Variants in GPC6 observed in about 807,000 individuals in gnomAD.
GPC6 encodes the protein glypican 6.
A neutral mutation model predicts 55.2 loss-of-function variants in GPC6; 14 were observed. That is an observed-to-expected ratio of 0.25 (90% CI 0.17 to 0.40). GPC6 has a LOEUF of 0.40. Among genes scored for constraint, GPC6 ranks in the 10% least tolerant of loss-of-function variants. The pLI, the probability that GPC6 is intolerant of heterozygous loss-of-function variation, is 1.00. For missense variants in GPC6, 641 were observed against 708.5 expected (o/e 0.90, Z 1.08); for synonymous variants, 278 against 259.6 (o/e 1.07, Z -0.68).
At chr13:94,359,795 G>T (rs1878971927) in intron 6 of GPC6, among the ~76,000 whole-genome samples, 1 of 151,984 alleles carries the variant, frequency 6.6e-6, no homozygotes, top group South Asian at 2.1e-4. Flanking sequence ...ATACTTATCT[G>T]CAATAAAAAG....
chr13:93,705,641 T>C (rs534118608), intron 2 of GPC6, among the ~76,000 whole-genome samples: 38 of 151,828 alleles, frequency 2.5e-4, no homozygotes, highest in African/African-American at 8.9e-4. Context: ...GTGTTTCAGA[T>C]AGTTAATGGA....
At chr13:94,131,870 G>A (rs1194722320) in intron 4 of GPC6, among the ~76,000 whole-genome samples, 1 of 152,030 alleles carries the variant, frequency 6.6e-6, no homozygotes, top group African/African-American at 2.4e-5. Flanking sequence ...TAATTTATGT[G>A]GTTAGCAAAA....
chr13:94,225,911 A>G (rs1259900021), intron 4 of GPC6, among the ~76,000 whole-genome samples: 1 of 152,138 alleles, frequency 6.6e-6, no homozygotes, highest in Non-Finnish European at 1.5e-5. Flanking sequence ...AAGTTCTTCT[A>G]CTACCCACTG....
intron 6 of GPC6, among the ~76,000 whole-genome samples, chr13:94,308,884 G>A (rs542278142): frequency 2.6e-5 from 4 of 152,180 alleles, no homozygotes; most frequent in Non-Finnish European, 5.9e-5. Context: ...TGAGGCCTTC[G>A]TCCTTTGGGG....
intron 4 of GPC6, among the ~76,000 whole-genome samples, chr13:94,271,888 C>T (rs1017224250): frequency 6.6e-6 from 1 of 152,172 alleles, no homozygotes; most frequent in South Asian, 2.1e-4. Context: ...AGTCATCTTG[C>T]CATTTCATGG....
rs998967586 is a variant in GPC6 at position 93,830,167 on chromosome 13, G to A, written c.333G>A (p.Glu111=). ...RHKKFDEFFR[E]LLENAEKSLN... is the part of the protein sequence containing the mutation. The stretch of plus-strand genomic sequence containing the variant: ...TTTTATCTGCAGAATTTTTCCGAGA[G>A]CTCCTGGAGAATGCAGAAAAGTCAC... Residue 111 remains glutamate, a synonymous_variant, in exon 3 of 9, where the codon GAG becomes GAA. Transcript: ENST00000377047. The A allele has an allele frequency of 3.1e-6, 5 of 1,607,138 alleles. No individual in the cohort carries two copies. The highest frequency in any genetic ancestry group is 4.3e-6 in the Non-Finnish European group (5 of 1,176,376).
At chr13:93,648,604 T>C (rs937137450) in intron 2 of GPC6, among the ~76,000 whole-genome samples, 3 of 152,212 alleles carry the variant, frequency 2.0e-5, no homozygotes, top group Non-Finnish European at 4.4e-5. Context: ...TTGCAGAGAC[T>C]GATAAAAATG....
chr13:93,943,470 A>C lies in GPC6; in HGVS notation c.712-84259A>C, dbSNP rs142675688. Among the ~76,000 whole-genome samples, 26 of 152,266 alleles carry C rather than the reference A, an allele frequency of 1.7e-4. 1 individual carries two copies. The East Asian group carries it at 5.0e-3, about 29-fold the overall frequency. ...AACTTTATTAAGTGGAATCGCTTGC[A>C]TCCCAATTCTGGAGTCCCTCATAGA... On this transcript the variant is annotated intron_variant, in intron 3 of 8. Coordinates refer to ENST00000377047, the MANE Select transcript of GPC6 (RefSeq NM_005708.5).
At chr13:93,393,400 G>A (rs1324258997) in intron 1 of GPC6, among the ~76,000 whole-genome samples, 3 of 151,826 alleles carry the variant, frequency 2.0e-5, no homozygotes, top group Admixed American at 6.6e-5. Flanking sequence ...CACCTCGGCC[G>A]CAGAAAGTGA....
In GPC6 at chr13:94,367,987, A is replaced by G. The variant is rs146411431; in HGVS notation, c.1153-14427A>G. On this transcript the variant is annotated intron_variant, in intron 6 of 8. Transcript: ENST00000377047. ...AACATGGTGAAACCCCATCTCTACT[A>G]AAAATACAAAAATTAGCTGGGCATG... Among the ~76,000 whole-genome samples the G allele has an allele frequency of 1.2e-3, 189 of 151,960 alleles. 4 individuals carry two copies. The East Asian group carries it at 0.033, about 27-fold the overall frequency.
At chr13:94,357,365 G>T (rs1403583933) in intron 6 of GPC6, among the ~76,000 whole-genome samples, 6 of 152,166 alleles carry the variant, frequency 3.9e-5, no homozygotes, top group Non-Finnish European at 8.8e-5. Flanking sequence ...GAGACAGAGA[G>T]ACCCCTGTGG....
intron 2 of GPC6, among the ~76,000 whole-genome samples, chr13:93,682,682 GA>G (rs544280688): frequency 2.0e-5 from 3 of 151,378 alleles, no homozygotes; most frequent in South Asian, 2.1e-4. Flanking sequence ...CATTTTCTTT[GA>G]AAAAAAATAT....
At chr13:93,838,057 C>A (rs1887808094) in intron 3 of GPC6, among the ~76,000 whole-genome samples, 1 of 152,186 alleles carries the variant, frequency 6.6e-6, no homozygotes, top group South Asian at 2.1e-4. Context: ...ATTCTGCCTG[C>A]ATAATTTAAA....
chr13:93,483,783 G>A (rs781437929), intron 1 of GPC6, among the ~76,000 whole-genome samples: 6 of 152,094 alleles, frequency 3.9e-5, no homozygotes, highest in Non-Finnish European at 7.4e-5. Flanking sequence ...GCTGCATTGT[G>A]CTATTAGCCC....
chr13:94,177,159 C>G (rs763259262), intron 4 of GPC6, among the ~76,000 whole-genome samples: 8 of 151,788 alleles, frequency 5.3e-5, no homozygotes, highest in Non-Finnish European at 2.9e-5. Flanking sequence ...TGCTCTTGAC[C>G]CACATGTGAC....
chr13:94,134,002 T>A (rs16949488), intron 4 of GPC6, among the ~76,000 whole-genome samples: 5,154 of 152,172 alleles, frequency 0.034, 135 homozygotes, highest in South Asian at 0.12. Context: ...AAAACAACAT[T>A]CCAGAAGAAA....
chr13:93,914,795 A>T (rs924090988), intron 3 of GPC6, among the ~76,000 whole-genome samples: 3 of 152,194 alleles, frequency 2.0e-5, no homozygotes, highest in Admixed American at 6.5e-5. Flanking sequence ...AAAATTAAGG[A>T]CTGAGAGAAT....
At chr13:93,889,383 A>G (rs950249573) in intron 3 of GPC6, among the ~76,000 whole-genome samples, 5 of 152,138 alleles carry the variant, frequency 3.3e-5, no homozygotes, top group African/African-American at 7.2e-5. Context: ...AAAGTGTGTT[A>G]GAAGTGATTC....
intron 2 of GPC6, among the ~76,000 whole-genome samples, chr13:93,642,393 T>C (rs1594335941): frequency 6.6e-6 from 1 of 152,076 alleles, no homozygotes; most frequent in Non-Finnish European, 1.5e-5. Context: ...CATTGCACTG[T>C]TGATGAGCAC....
Sources: gnomAD v4.1 joint callset for allele counts (sites outside exome capture counted in the v4.1 genomes callset) on GRCh38, gnomAD v4.1.1 for gene constraint, MANE v1.5 for transcripts, NCBI Gene and HGNC (gene_info 2026-07-23, HGNC 2026-07-21) for gene names.